Variants in FHIT observed in about 807,000 individuals in gnomAD.
FHIT encodes fragile histidine triad diadenosine triphosphatase.
Under a neutral mutation model 17.9 loss-of-function variants are expected in FHIT, and 19 were observed. The ratio of observed to expected loss-of-function variants is 1.06; its 90% CI spans 0.74 to 1.56. The LOEUF is 1.56. Among genes scored for constraint, FHIT ranks in the 40% most tolerant of loss-of-function variants. FHIT has a pLI of 0.00. For synonymous variants in FHIT, 81 were observed against 69.7 expected, an observed-to-expected ratio of 1.16 and a Z score of -0.81; for missense variants, 248 against 189.2, an observed-to-expected ratio of 1.31 and a Z score of -1.82.
At chr3:60,019,150 C>T (rs573712995) in intron 5 of FHIT, among the ~76,000 whole-genome samples, 1 of 152,194 alleles carries the variant, frequency 6.6e-6, no homozygotes, top group Non-Finnish European at 1.5e-5. Flanking sequence ...ACTCTACATG[C>T]TCTTCCATCC....
intron 5 of FHIT, among the ~76,000 whole-genome samples, chr3:60,288,466 A>G (rs752752161): frequency 6.6e-6 from 1 of 152,118 alleles, no homozygotes; most frequent in Non-Finnish European, 1.5e-5. Context: ...ATGTTGGTGG[A>G]AAGATTAAAT....
intron 5 of FHIT, among the ~76,000 whole-genome samples, chr3:60,391,193 A>G (rs949595271): frequency 6.8e-4 from 40 of 58,822 alleles, no homozygotes; most frequent in African/African-American, 1.7e-3. Flanking sequence ...CTGACAAAAC[A>G]AAACAAAAAA....
intron 5 of FHIT, among the ~76,000 whole-genome samples, chr3:60,245,069 G>A (rs1705325030): frequency 6.6e-6 from 1 of 151,952 alleles, no homozygotes; most frequent in African/African-American, 2.4e-5. Flanking sequence ...AATCCACTAT[G>A]GTTGACAGAA....
chr3:61,116,889 AATTTT>A (rs2106908625), intron 2 of FHIT, among the ~76,000 whole-genome samples: 1 of 152,274 alleles, frequency 6.6e-6, no homozygotes, highest in South Asian at 2.1e-4. Flanking sequence ...CCCCAAACAT[AATTTT>A]ATTTAACTGA....
At chr3:61,056,686 C>T (rs1194941335) in intron 2 of FHIT, among the ~76,000 whole-genome samples, 1 of 152,134 alleles carries the variant, frequency 6.6e-6, no homozygotes, top group East Asian at 1.9e-4. Flanking sequence ...GGACAGATGA[C>T]CCACACCTTT....
chr3:60,450,175 T>G (rs2031638449), intron 5 of FHIT, among the ~76,000 whole-genome samples: 1 of 151,946 alleles, frequency 6.6e-6, no homozygotes, highest in African/African-American at 2.4e-5. Context: ...ACTGTAGACT[T>G]TAATAAGCAC....
intron 5 of FHIT, among the ~76,000 whole-genome samples, chr3:60,393,871 G>T (rs1237313728): frequency 6.6e-6 from 1 of 152,092 alleles, no homozygotes; most frequent in Non-Finnish European, 1.5e-5. Context: ...TCTCTGTCTG[G>T]CTCCTGTGGG....
intron 5 of FHIT, among the ~76,000 whole-genome samples, chr3:60,473,138 T>C (rs1385266566): frequency 6.6e-6 from 1 of 152,194 alleles, no homozygotes; most frequent in Non-Finnish European, 1.5e-5. Flanking sequence ...CAAAGAAATT[T>C]TGACAAATAG....
In FHIT at chr3:60,745,725, T is replaced by G. The variant is rs538710816; in HGVS notation, c.-18+76194A>C. On this transcript the variant is annotated intron_variant, in intron 4 of 9. Transcript: ENST00000492590. ...ATTGACATATTCTAACAATAGTTACTCTGGTACCAACCCAATATACCAGAG... is the reference window on the plus strand; with the variant it reads ...ATTGACATATTCTAACAATAGTTACGCTGGTACCAACCCAATATACCAGAG... Among the ~76,000 whole-genome samples, 4 of 152,262 alleles carry G rather than the reference T, an allele frequency of 2.6e-5. No individual in the cohort carries two copies. In the South Asian group the frequency reaches 8.3e-4, roughly 32 times the overall value.
intron 5 of FHIT, among the ~76,000 whole-genome samples, chr3:60,300,303 C>T (rs984611450): frequency 1.3e-5 from 2 of 151,790 alleles, no homozygotes; most frequent in African/African-American, 2.4e-5. Context: ...CACAACAGAT[C>T]CTATCAAAGA....
chr3:60,006,546 T>C (rs1019167376), intron 7 of FHIT, among the ~76,000 whole-genome samples: 1 of 152,028 alleles, frequency 6.6e-6, no homozygotes, highest in Admixed American at 6.6e-5. Context: ...AGATTCTATA[T>C]CCATGTCCAA....
chr3:60,876,765 T>C (rs1455682094), intron 3 of FHIT, among the ~76,000 whole-genome samples: 1 of 152,218 alleles, frequency 6.6e-6, no homozygotes, highest in African/African-American at 2.4e-5. Flanking sequence ...CACTCATCCC[T>C]TCCACAGTGA....
At chr3:60,742,101 C>T (rs2108011143) in intron 4 of FHIT, among the ~76,000 whole-genome samples, 1 of 152,222 alleles carries the variant, frequency 6.6e-6, no homozygotes, top group South Asian at 2.1e-4. Context: ...AGCTTGTTTC[C>T]TCATCTGTAA....
At chr3:60,116,820 G>C (rs552312959) in intron 5 of FHIT, among the ~76,000 whole-genome samples, 3 of 151,326 alleles carry the variant, frequency 2.0e-5, no homozygotes, top group Non-Finnish European at 4.4e-5. Context: ...CCTGCCATAG[G>C]TGATGTTGAT....
intron 5 of FHIT, among the ~76,000 whole-genome samples, chr3:60,151,914 C>A (rs1036521728): frequency 4.6e-5 from 7 of 152,182 alleles, no homozygotes; most frequent in African/African-American, 1.7e-4. Context: ...TGTTGACATG[C>A]TGATTATCCA....
intron 5 of FHIT, among the ~76,000 whole-genome samples, chr3:60,238,161 A>AAC (rs397964429): frequency 6.6e-6 from 1 of 151,010 alleles, no homozygotes; most frequent in Non-Finnish European, 1.5e-5. Flanking sequence ...AAAAAAAAAA[A>AAC]GAATTTGTGT....
intron 8 of FHIT, among the ~76,000 whole-genome samples, chr3:59,816,731 C>A (rs537514709): frequency 1.3e-5 from 2 of 152,340 alleles, no homozygotes; most frequent in African/African-American, 4.8e-5. Context: ...ACCATGTCAA[C>A]TTTGCTCTCC....
intron 8 of FHIT, among the ~76,000 whole-genome samples, chr3:59,829,644 C>A (rs1701097510): frequency 6.6e-6 from 1 of 152,144 alleles, no homozygotes; most frequent in Non-Finnish European, 1.5e-5. Flanking sequence ...TGTTCCCTTG[C>A]AGATAAGTGA....
chr3:60,762,140 C>T (rs1046053276), intron 4 of FHIT, among the ~76,000 whole-genome samples: 3 of 152,178 alleles, frequency 2.0e-5, no homozygotes, highest in Non-Finnish European at 4.4e-5. Flanking sequence ...AGCATCAGAA[C>T]ACCTGGTGTG....
Sources: allele counts gnomAD v4.1 joint callset (sites outside exome capture counted in the v4.1 genomes callset), GRCh38; gene constraint gnomAD v4.1.1; transcripts MANE v1.5; gene names NCBI Gene and HGNC (gene_info 2026-07-23, HGNC 2026-07-21).